The following SLFN12L variants were observed in gnomAD, a reference collection of about 807,000 sequenced individuals.
SLFN12L encodes schlafen family member 12 like, also known as schlafen family member 12-like.
Under a neutral mutation model 34.8 loss-of-function variants are expected in SLFN12L, and 34 were observed. The ratio of observed to expected loss-of-function variants is 0.98; its 90% CI spans 0.74 to 1.30. The LOEUF (loss-of-function observed/expected upper bound fraction) is 1.30, where lower values mean the gene tolerates loss of function less well. Among genes scored for constraint, SLFN12L ranks in the 50% most tolerant of loss-of-function variants. The pLI is 0.00. For missense variants in SLFN12L, 703 were observed against 696.2 expected (o/e 1.01, Z -0.11); for synonymous variants, 259 against 247.5 (o/e 1.05, Z -0.44).
intron 2 of SLFN12L, among the ~76,000 whole-genome samples, chr17:35,486,804 G>T (rs1474052716): frequency 1.3e-5 from 2 of 152,086 alleles, no homozygotes; most frequent in African/African-American, 4.8e-5. Flanking sequence ...TGGGAATGGG[G>T]GTGGCATTCA....
chr17:35,508,597 CT>C (rs1915542576), intron 2 of SLFN12L, among the ~76,000 whole-genome samples: 1 of 152,170 alleles, frequency 6.6e-6, no homozygotes, highest in Admixed American at 6.5e-5. Flanking sequence ...ATCTGCCCAC[CT>C]TGGCCTCCCA....
intron 2 of SLFN12L, among the ~76,000 whole-genome samples, chr17:35,503,827 C>T (rs550949470): frequency 5.9e-5 from 9 of 152,132 alleles, no homozygotes; most frequent in South Asian, 4.2e-4. Flanking sequence ...GAAAAAAACT[C>T]GAGCCAGCCT....
At chr17:35,512,513 C>T (rs1252964229) in intron 2 of SLFN12L, among the ~76,000 whole-genome samples, 1 of 152,020 alleles carries the variant, frequency 6.6e-6, no homozygotes, top group Non-Finnish European at 1.5e-5. Context: ...CCACAGGCGC[C>T]CGCCACCATG....
At chr17:35,495,235 G>T (rs1915006025) in intron 2 of SLFN12L, among the ~76,000 whole-genome samples, 1 of 152,066 alleles carries the variant, frequency 6.6e-6, no homozygotes, top group Admixed American at 6.6e-5. Context: ...TGTTTATCTT[G>T]TTCACTGAGA....
intron 1 of SLFN12L, among the ~76,000 whole-genome samples, chr17:35,534,846 C>T (rs2072443610): frequency 6.6e-6 from 1 of 152,076 alleles, no homozygotes; most frequent in Non-Finnish European, 1.5e-5. Flanking sequence ...CTTAAGCAGC[C>T]AAAAGCAGAA....
chr17:35,476,501 GGAAGGA>G (rs1254251061), intron 4 of SLFN12L, among the ~76,000 whole-genome samples: 3 of 135,964 alleles, frequency 2.2e-5, no homozygotes, highest in African/African-American at 8.4e-5. Context: ...AAGGAAGGAA[GGAAGGA>G]AGGAAGGAAG....
In SLFN12L at chr17:35,518,562, A is replaced by G. The variant is rs181660676; in HGVS notation, c.86+3717T>C. 3.8e-3 allele frequency among the ~76,000 whole-genome samples: 580 copies of G among 151,944 alleles called. 5 individuals carry two copies. Among genetic ancestry groups the G allele is most frequent in the African/African-American group, 0.013 (537 of 41,474 alleles). ...TGAGACTGTATTTAAAAAAAAAAAAAAAAAGACATTTATGCACCGAACAAA... is the reference window on the plus strand; with the variant it reads ...TGAGACTGTATTTAAAAAAAAAAAAGAAAAGACATTTATGCACCGAACAAA... On this transcript the variant is annotated intron_variant, in intron 2 of 4. Coordinates refer to ENST00000628453, the MANE Select transcript of SLFN12L (RefSeq NM_001363830.2).
chr17:35,496,892 T>C (rs1011351218), intron 2 of SLFN12L, among the ~76,000 whole-genome samples: 1 of 152,290 alleles, frequency 6.6e-6, no homozygotes, highest in South Asian at 2.1e-4. Context: ...AGAAATAGGA[T>C]GGCTGAAAAT....
Position 35,475,243 on chromosome 17 carries a change from C to T in SLFN12L, c.1519G>A (p.Glu507Lys). The T allele has an allele frequency of 1.2e-6, 2 of 1,614,166 alleles. No homozygotes were observed. The highest frequency in any genetic ancestry group is 1.7e-6 in the Non-Finnish European group (2 of 1,180,044). Residue 507 changes from glutamate (E) to lysine (K), a missense_variant, in exon 5 of 5, where the codon GAG becomes AAG. Glu to Lys is a moderately conservative substitution (Grantham distance 56). Transcript: ENST00000628453. The part of the protein sequence containing the change: ...VLYTFHMVQD[E>K]EFKDYSTQTA... ...TGTGTAGAATAGTCTTTAAACTCCT[C>T]ATCCTGTACCATGTGGAAGGTGTAT...
In SLFN12L at chr17:35,478,108, A is replaced by G; in HGVS notation, c.1243T>C (p.Phe415Leu). The G allele has an allele frequency of 6.5e-7, 1 of 1,544,762 alleles. No homozygotes were observed. The highest frequency in any genetic ancestry group is 1.2e-5 in the South Asian group (1 of 83,500). The change falls in exon 4 of 5, where the codon TTC becomes CTC. Residue 415 changes from phenylalanine to leucine, a missense_variant. Phe to Leu is a conservative substitution (Grantham distance 22). Coordinates refer to ENST00000628453, the MANE Select transcript of SLFN12L (RefSeq NM_001363830.2). ...TGATATCTCAGTGGCTGAATTTTGA[A>G]GTTAATATATTCACGAAGAGGATAA... ...QSYPLREYIN[F>L]KIQPLRYHLP...
At chr17:35,492,759 G>C (rs1374879857) in intron 2 of SLFN12L, among the ~76,000 whole-genome samples, 6 of 152,080 alleles carry the variant, frequency 3.9e-5, no homozygotes, top group Admixed American at 1.3e-4. Flanking sequence ...AGGTGGCAGT[G>C]GTCATCTCCC....
chr17:35,471,395 C>G lies in SLFN12L; in HGVS notation c.*3528G>C, dbSNP rs1211637434. ...CAGGTGATCCACCCGCCTCAGCCTC[C>G]CAAAGTGCTGGGATTACAGGCATGA... On this transcript the variant is annotated 3_prime_UTR_variant, in exon 5 of 5. Coordinates refer to ENST00000628453, the MANE Select transcript of SLFN12L (RefSeq NM_001363830.2). 2.1e-4 allele frequency among the ~76,000 whole-genome samples: 32 copies of G among 152,172 alleles called. No homozygotes were observed. Among genetic ancestry groups the G allele is most frequent in the Non-Finnish European group, 1.5e-5 (1 of 68,034 alleles).
Position 35,473,912 on chromosome 17 carries a change from G to T in SLFN12L, c.*1011C>A, listed in dbSNP as rs1913850249. On this transcript the variant is annotated 3_prime_UTR_variant, in exon 5 of 5. Transcript: ENST00000628453. ...TTCAGGAATTTATCCATTTCTTCTA[G>T]ATTTTCTAGTTTATTTGCATAGAGA... 1 of 152,180 alleles carries T rather than the reference G, an allele frequency of 6.6e-6. No individual in the cohort carries two copies. Among genetic ancestry groups the T allele is most frequent in the South Asian group, 2.1e-4 (1 of 4,830 alleles). The allele number at this position is 152,180 out of a possible 1,614,324, so 9.4% of individuals were successfully genotyped here. A position where few individuals can be genotyped will look rare whatever the true frequency, so the allele number is the denominator to read the frequency against.
rs1913847877 is a variant in SLFN12L, at chr17:35,473,749, T to G, written c.*1174A>C. 1.3e-5 allele frequency: 2 copies of G among 152,236 alleles called. No homozygotes were observed. The highest frequency in any genetic ancestry group is 4.1e-4 in the South Asian group (2 of 4,832). 9.4% of individuals were successfully genotyped at this position (152,236 alleles called of 1,614,324 possible). A position where few individuals can be genotyped will look rare whatever the true frequency, so the allele number is the denominator to read the frequency against. On this transcript the variant is annotated 3_prime_UTR_variant, in exon 5 of 5. Transcript: ENST00000628453. ...AATGGTACCAGCTCCTCTTTGTACC[T>G]CTGGTAGAATTCAGCTGTGAATCTG...
At chr17:35,481,032 G>A (rs1914315358) in intron 2 of SLFN12L, among the ~76,000 whole-genome samples, 1 of 152,092 alleles carries the variant, frequency 6.6e-6, no homozygotes. Flanking sequence ...AAAAAAACCA[G>A]GCCATACAGA....
chr17:35,471,121 T>C lies in SLFN12L; in HGVS notation c.*3802A>G, dbSNP rs1203346579. ...ATTGTAAATAGTGGGGCAATAAACA[T>C]ATGTGTGCATGTGTCTTTTTTTTTT... On this transcript the variant is annotated 3_prime_UTR_variant, in exon 5 of 5. Coordinates refer to ENST00000628453, the MANE Select transcript of SLFN12L (RefSeq NM_001363830.2). Among the ~76,000 whole-genome samples the C allele has an allele frequency of 7.2e-6, 1 of 138,802 alleles. No individual in the cohort carries two copies. The highest frequency in any genetic ancestry group is 1.5e-5 in the Non-Finnish European group (1 of 65,856). The allele number at this position is 138,802 out of a possible 152,430, so 91.1% of individuals were successfully genotyped here.
At chr17:35,529,352 C>T (rs2072368354) in intron 1 of SLFN12L, among the ~76,000 whole-genome samples, 1 of 152,156 alleles carries the variant, frequency 6.6e-6, no homozygotes, top group African/African-American at 2.4e-5. Context: ...TGGGTATATA[C>T]CCAAAGGATT....
chr17:35,480,099 T>A lies in SLFN12L; in HGVS notation c.183A>T (p.Gly61=). Reference sequence around the variant, plus strand: ...TATTGTTCTCTCCAAGAGTGACTCTTCCCACATTTAGAACCAGCTCAGCAT... The same window carrying A: ...TATTGTTCTCTCCAAGAGTGACTCTACCCACATTTAGAACCAGCTCAGCAT... The part of the protein sequence containing the change: ...TNYAELVLNV[G]RVTLGENNRK... The change falls in exon 3 of 5, where the codon GGA becomes GGT. Residue 61 remains glycine (G), a synonymous_variant. Transcript: ENST00000628453. 1.2e-6 allele frequency: 2 copies of A among 1,614,150 alleles called. No individual in the cohort carries two copies. Among genetic ancestry groups the A allele is most frequent in the Non-Finnish European group, 1.7e-6 (2 of 1,180,028 alleles).
intron 2 of SLFN12L, among the ~76,000 whole-genome samples, chr17:35,483,151 G>A (rs1029222369): frequency 2.0e-5 from 3 of 151,710 alleles, no homozygotes; most frequent in African/African-American, 7.3e-5. Flanking sequence ...AGCAGCAAAC[G>A]TAGGAAGGAC....
Sources: allele counts gnomAD v4.1 joint callset (sites outside exome capture counted in the v4.1 genomes callset), GRCh38; gene constraint gnomAD v4.1.1; transcripts MANE v1.5; gene names NCBI Gene and HGNC (gene_info 2026-07-23, HGNC 2026-07-21).